The following LOXHD1 variants were observed in gnomAD, a reference collection of about 807,000 sequenced individuals.
LOXHD1 encodes the protein lipoxygenase homology PLAT domains 1.
In LOXHD1, 205 loss-of-function variants were observed where a neutral mutation model predicts 248.2. The ratio of observed to expected loss-of-function variants is 0.83; its 90% CI spans 0.74 to 0.93. The LOEUF is 0.93. Among genes scored for constraint, LOXHD1 ranks in the 40% least tolerant of loss-of-function variants. The pLI, the probability that LOXHD1 is intolerant of heterozygous loss-of-function variation, is 0.00. For synonymous variants in LOXHD1, 1,113 were observed against 1,162.8 expected, an observed-to-expected ratio of 0.96 and a Z score of 0.87; for missense variants, 2,930 against 2,971.6, an observed-to-expected ratio of 0.99 and a Z score of 0.33.
In LOXHD1 at chr18:46,631,614, C is replaced by T. The variant is rs560207764; in HGVS notation, c.511+8002G>A. On this transcript the variant is annotated intron_variant, in intron 4 of 40. Transcript: ENST00000642948. ...AGGATGAAAGAGAGGAAGTGAGGGGCGAGGGGCCTTGACATTTCCTCTGGC... is the reference window on the plus strand; with the variant it reads ...AGGATGAAAGAGAGGAAGTGAGGGGTGAGGGGCCTTGACATTTCCTCTGGC... Among the ~76,000 whole-genome samples the T allele has an allele frequency of 1.1e-4, 17 of 152,222 alleles. No individual in the cohort carries two copies. In the South Asian group the frequency reaches 3.1e-3, roughly 28 times the overall value.
chr18:46,552,926 C>T (rs971549696), intron 21 of LOXHD1, among the ~76,000 whole-genome samples: 4 of 152,156 alleles, frequency 2.6e-5, no homozygotes, highest in Admixed American at 6.5e-5. Flanking sequence ...ACCTGCATCA[C>T]ATTTTTTCAA....
At chr18:46,569,662 G>A in intron 15 of LOXHD1, 24 bp from the exon 16 acceptor site, 3 of 1,537,348 alleles carry the variant, frequency 2.0e-6, no homozygotes, top group African/African-American at 1.4e-5. Context: ...GGCAGAGGGA[G>A]GAAGGGAAGG....
chr18:46,561,828 G>A (rs562977326), intron 18 of LOXHD1, among the ~76,000 whole-genome samples: 16 of 152,252 alleles, frequency 1.1e-4, no homozygotes, highest in East Asian at 1.9e-4. Flanking sequence ...ACTTCTTCAC[G>A]GCATTAGCTC....
At chr18:46,580,396 G>A (rs1370638872) in intron 12 of LOXHD1, among the ~76,000 whole-genome samples, 1 of 152,250 alleles carries the variant, frequency 6.6e-6, no homozygotes. Flanking sequence ...AGTAAGCAGA[G>A]AGAAAGGCAT....
Position 46,594,485 on chromosome 18 carries a change from A to T in LOXHD1, c.1135-19T>A. On this transcript the variant is annotated intron_variant, in intron 8 of 40. Transcript: ENST00000642948. Reference sequence around the variant, plus strand: ...TCACCACCTGGGGAGAGTGGAGCACAGTGTCTCCGGCATTGAGTCTCCAGT... The same window carrying T: ...TCACCACCTGGGGAGAGTGGAGCACTGTGTCTCCGGCATTGAGTCTCCAGT... 6.4e-7 allele frequency: 1 copy of T among 1,550,906 alleles called. No individual in the cohort carries two copies. Among genetic ancestry groups the T allele is most frequent in the Non-Finnish European group, 8.7e-7 (1 of 1,146,966 alleles).
In LOXHD1 at chr18:46,560,057, ACCCCCAC is replaced by A; in HGVS notation, c.3061+19_3061+25del. The A allele has an allele frequency of 1.5e-5, 4 of 261,494 alleles. No homozygotes were observed. Among genetic ancestry groups the A allele is most frequent in the Non-Finnish European group, 2.6e-5 (4 of 154,038 alleles). The allele number at this position is 261,494 out of a possible 1,614,324, so 16.2% of individuals were successfully genotyped here. A position where few individuals can be genotyped will look rare whatever the true frequency, so the allele number is the denominator to read the frequency against. ...GGAACTGTCTGGCCACTCCCTCCCC[ACCCCCAC>A]CCCCCACGACCCACTTACGCTCAGG... On this transcript the variant is annotated intron_variant, in intron 19 of 40. Transcript: ENST00000642948.
intron 37 of LOXHD1, among the ~76,000 whole-genome samples, chr18:46,491,362 C>G (rs2143661484): frequency 6.6e-6 from 1 of 152,358 alleles, no homozygotes. Flanking sequence ...CTATAGGTTA[C>G]TGAGCCCTAC....
intron 2 of LOXHD1, among the ~76,000 whole-genome samples, chr18:46,646,841 C>T (rs2039037187): frequency 6.6e-6 from 1 of 152,228 alleles, no homozygotes; most frequent in Admixed American, 6.5e-5. Context: ...TGGCCTTTGC[C>T]GAGCTCTGAC....
Position 46,483,437 on chromosome 18 carries a change from C to T in LOXHD1, c.6341+150G>A, listed in dbSNP as rs531084789. On this transcript the variant is annotated intron_variant, in intron 40 of 40. Coordinates refer to ENST00000642948, the MANE Select transcript of LOXHD1 (RefSeq NM_001384474.1). ...CTTCAGAAGCATACAGCTGTCTCTT[C>T]CCTTCCTGCCTTCTAGGCCTCCTGA... 7.2e-4 allele frequency: 663 copies of T among 922,880 alleles called. 3 individuals are homozygous for T. Among genetic ancestry groups the T allele is most frequent in the Middle Eastern group, 2.8e-3 (9 of 3,212 alleles). 57.2% of individuals were successfully genotyped at this position (922,880 alleles called of 1,614,324 possible).
chr18:46,537,865 G>T (rs544200237), intron 26 of LOXHD1, among the ~76,000 whole-genome samples: 1 of 152,302 alleles, frequency 6.6e-6, no homozygotes, highest in East Asian at 1.9e-4. Flanking sequence ...AGTGTCTATT[G>T]TTGGAAGCTC....
intron 19 of LOXHD1, 31 bp downstream of exon 19, chr18:46,560,052 T>TGGCCCCCCCCC: frequency 3.4e-5 from 15 of 441,120 alleles, no homozygotes; most frequent in African/African-American, 6.2e-5. Flanking sequence ...GGCCACTCCC[T>TGGCCCCCCCCC]CCCCACCCCC....
chr18:46,519,310 C>A (rs1471523050), intron 33 of LOXHD1, among the ~76,000 whole-genome samples: 1 of 152,214 alleles, frequency 6.6e-6, no homozygotes. Context: ...TCCTCTATCA[C>A]CTGTGCAGGG....
chr18:46,519,660 A>T (rs2035465891), intron 33 of LOXHD1, among the ~76,000 whole-genome samples: 1 of 152,200 alleles, frequency 6.6e-6, no homozygotes, highest in African/African-American at 2.4e-5. Flanking sequence ...GGCATAAAAA[A>T]TAGAATGATC....
chr18:46,540,103 G>C (rs781110258), intron 25 of LOXHD1, among the ~76,000 whole-genome samples: 2 of 152,180 alleles, frequency 1.3e-5, no homozygotes, highest in African/African-American at 2.4e-5. Flanking sequence ...ACAATGACTT[G>C]AGGGAGTAGG....
At chr18:46,478,049 C>T (rs2032187068) in intron 40 of LOXHD1, 97 bp from the exon 41 acceptor site, 2 of 1,436,214 alleles carry the variant, frequency 1.4e-6, no homozygotes, top group Non-Finnish European at 1.9e-6. Flanking sequence ...TATAAATGAT[C>T]CCTTCCCAAG....
chr18:46,513,123 G>A (rs756057432), intron 34 of LOXHD1, among the ~76,000 whole-genome samples: 43 of 152,170 alleles, frequency 2.8e-4, no homozygotes, highest in Non-Finnish European at 5.0e-4. Context: ...TAATTTCTTG[G>A]CCTGAAGGCA....
intron 26 of LOXHD1, among the ~76,000 whole-genome samples, chr18:46,534,896 C>T (rs1002758861): frequency 6.6e-6 from 1 of 152,206 alleles, no homozygotes; most frequent in Non-Finnish European, 1.5e-5. Flanking sequence ...CTTTTCTGTG[C>T]TCCCACATAG....
intron 15 of LOXHD1, among the ~76,000 whole-genome samples, chr18:46,571,820 G>A (rs890794630): frequency 6.6e-6 from 1 of 152,188 alleles, no homozygotes; most frequent in Admixed American, 6.5e-5. Flanking sequence ...TACTGCCAAT[G>A]CTTGGCACCA....
At position 46,643,955 on chromosome 18, in the gene LOXHD1, C is replaced by T. The variant is rs535074948; in HGVS notation, c.246-1919G>A. 1.9e-3 allele frequency among the ~76,000 whole-genome samples: 295 copies of T among 152,328 alleles called. 3 individuals carry two copies. Among genetic ancestry groups the T allele is most frequent in the African/African-American group, 6.6e-3 (274 of 41,576 alleles). On this transcript the variant is annotated intron_variant, in intron 2 of 40. Coordinates refer to ENST00000642948, the MANE Select transcript of LOXHD1 (RefSeq NM_001384474.1). ...ATAATCAATACAAACAGGATACCATCTTCATTTAAAAACAATGGAGTGAGA... is the reference window on the plus strand; with the variant it reads ...ATAATCAATACAAACAGGATACCATTTTCATTTAAAAACAATGGAGTGAGA...
Sources: gnomAD v4.1 joint callset for allele counts (sites outside exome capture counted in the v4.1 genomes callset) on GRCh38, gnomAD v4.1.1 for gene constraint, MANE v1.5 for transcripts, NCBI Gene and HGNC (gene_info 2026-07-23, HGNC 2026-07-21) for gene names.